The following ARHGAP42 variants were observed in gnomAD, a reference collection of about 807,000 sequenced individuals.
ARHGAP42 encodes the protein Rho GTPase activating protein 42.
Under a neutral mutation model 125.0 loss-of-function variants are expected in ARHGAP42, and 63 were observed. The observed-to-expected ratio is 0.50, with a 90% CI of 0.41 to 0.62. ARHGAP42 has a LOEUF of 0.62. Among genes scored for constraint, ARHGAP42 ranks in the 20% least tolerant of loss-of-function variants. The pLI, the probability that ARHGAP42 is intolerant of heterozygous loss-of-function variation, is 0.00. For synonymous variants in ARHGAP42, 339 were observed against 351.0 expected (o/e 0.97, Z 0.38); for missense variants, 766 against 1,024.2 (o/e 0.75, Z 3.44).
chr11:100,771,526 A>G (rs769281655), intron 2 of ARHGAP42, among the ~76,000 whole-genome samples: 6 of 152,196 alleles, frequency 3.9e-5, no homozygotes, highest in Non-Finnish European at 5.9e-5. Flanking sequence ...TTCTGGGTGT[A>G]AAAATACAAT....
chr11:100,930,591 A>G (rs1377745763), intron 6 of ARHGAP42, among the ~76,000 whole-genome samples: 4 of 152,176 alleles, frequency 2.6e-5, no homozygotes, highest in Admixed American at 1.3e-4. Context: ...AGAAGCTGCC[A>G]ATGGGTTTAT....
chr11:100,957,653 T>C (rs1857840724), intron 12 of ARHGAP42, among the ~76,000 whole-genome samples: 1 of 152,110 alleles, frequency 6.6e-6, no homozygotes, highest in African/African-American at 2.4e-5. Flanking sequence ...TCTGAATTGG[T>C]TGATAATGTT....
intron 4 of ARHGAP42, among the ~76,000 whole-genome samples, chr11:100,882,003 T>C (rs1267264205): frequency 6.6e-6 from 1 of 152,202 alleles, no homozygotes; most frequent in Non-Finnish European, 1.5e-5. Flanking sequence ...TGGAGGAGTC[T>C]GATTTTCTAG....
chr11:100,970,836 T>A lies in ARHGAP42; in HGVS notation c.1551-2339T>A, dbSNP rs114896955. ...CTCAGGTAAAGCCATCCACCCTAGA[T>A]GTCTGGCTAGTTGGAGGCAAAGAAT... On this transcript the variant is annotated intron_variant, in intron 17 of 23. Transcript: ENST00000298815. Among the ~76,000 whole-genome samples, 252 of 152,216 alleles carry A rather than the reference T, an allele frequency of 1.7e-3. 1 individual carries two copies. Among genetic ancestry groups the A allele is most frequent in the African/African-American group, 5.7e-3 (239 of 41,582 alleles).
chr11:100,851,434 C>T (rs1400369163), intron 3 of ARHGAP42, among the ~76,000 whole-genome samples: 1 of 152,170 alleles, frequency 6.6e-6, no homozygotes, highest in Non-Finnish European at 1.5e-5. Flanking sequence ...GACATCATAG[C>T]TGCCTTAACA....
At chr11:100,856,411 G>A (rs530792297) in intron 3 of ARHGAP42, among the ~76,000 whole-genome samples, 71 of 152,134 alleles carry the variant, frequency 4.7e-4, no homozygotes, top group African/African-American at 1.6e-3. Flanking sequence ...CACTGTGTAG[G>A]GATAAAAGTC....
intron 4 of ARHGAP42, among the ~76,000 whole-genome samples, chr11:100,890,043 A>G (rs768077589): frequency 2.6e-5 from 4 of 152,202 alleles, no homozygotes; most frequent in Non-Finnish European, 4.4e-5. Flanking sequence ...TAAAGAACAA[A>G]TACACAAAAA....
intron 11 of ARHGAP42, among the ~76,000 whole-genome samples, chr11:100,948,769 T>G (rs1361192941): frequency 6.6e-6 from 1 of 152,090 alleles, no homozygotes; most frequent in African/African-American, 2.4e-5. Context: ...AACCCTAAAA[T>G]TACTTCTTAA....
chr11:100,803,551 T>A (rs1278576094), intron 3 of ARHGAP42, among the ~76,000 whole-genome samples: 1 of 152,206 alleles, frequency 6.6e-6, no homozygotes, highest in Non-Finnish European at 1.5e-5. Context: ...GCTTTTTGGA[T>A]GGCTTGGTCA....
At chr11:100,982,160 A>T (rs1858561012) in intron 22 of ARHGAP42, among the ~76,000 whole-genome samples, 1 of 152,228 alleles carries the variant, frequency 6.6e-6, no homozygotes, top group Admixed American at 6.5e-5. Flanking sequence ...CAGACAGAGA[A>T]GAATGGACAG....
chr11:100,922,362 C>T (rs1867305211), intron 6 of ARHGAP42, among the ~76,000 whole-genome samples: 2 of 152,040 alleles, frequency 1.3e-5, no homozygotes, highest in Admixed American at 1.3e-4. Context: ...TCTTTATAAG[C>T]TTATTTCATT....
intron 1 of ARHGAP42, among the ~76,000 whole-genome samples, chr11:100,705,727 A>G (rs966505876): frequency 3.9e-5 from 6 of 152,000 alleles, no homozygotes; most frequent in Admixed American, 3.3e-4. Context: ...CATTATATTT[A>G]ATTATTTTTT....
intron 3 of ARHGAP42, among the ~76,000 whole-genome samples, chr11:100,838,079 T>G (rs1864858430): frequency 6.6e-6 from 1 of 151,844 alleles, no homozygotes; most frequent in Non-Finnish European, 1.5e-5. Context: ...GTCTGTTTGT[T>G]TTTGTTTGTT....
At chr11:100,769,495 C>T (rs995990343) in intron 1 of ARHGAP42, among the ~76,000 whole-genome samples, 1 of 152,078 alleles carries the variant, frequency 6.6e-6, no homozygotes, top group African/African-American at 2.4e-5. Flanking sequence ...CTTGTTCAGA[C>T]TGAAGTCAGG....
At chr11:100,879,896 A>G (rs1865914749) in intron 4 of ARHGAP42, among the ~76,000 whole-genome samples, 1 of 152,154 alleles carries the variant, frequency 6.6e-6, no homozygotes, top group African/African-American at 2.4e-5. Flanking sequence ...AGATCACCAG[A>G]CTGCTGCTTA....
At chr11:100,752,711 T>G (rs1407535219) in intron 1 of ARHGAP42, among the ~76,000 whole-genome samples, 1 of 152,198 alleles carries the variant, frequency 6.6e-6, no homozygotes, top group Non-Finnish European at 1.5e-5. Context: ...TGAGATTTCT[T>G]GGTTATAAGT....
chr11:100,934,119 T>C (rs1223468435), intron 7 of ARHGAP42, among the ~76,000 whole-genome samples: 1 of 152,218 alleles, frequency 6.6e-6, no homozygotes, highest in East Asian at 1.9e-4. Flanking sequence ...GCAAAATTTC[T>C]TTATTTGTGA....
At position 100,936,228 on chromosome 11, in the gene ARHGAP42, G is replaced by A; in HGVS notation, c.728G>A (p.Arg243Gln). 3.9e-6 allele frequency: 6 copies of A among 1,551,670 alleles called. No homozygotes were observed. Among genetic ancestry groups the A allele is most frequent in the Non-Finnish European group, 5.2e-6 (6 of 1,146,920 alleles). Residue 243 changes from arginine (R) to glutamine (Q), a missense_variant, in exon 8 of 24, where the codon CGA (arginine) becomes CAA (glutamine). By Grantham distance (43) the Arg-to-Gln change is conservative. Around this residue, in one of 3 missense-constraint regions of ARHGAP42, gnomAD observed 455 missense variants for 636.5 expected, o/e 0.71. Transcript: ENST00000298815. The stretch of plus-strand genomic sequence containing the variant: ...ACAAGGAATAATTTTGAAAGTACTC[G>A]ACAAGAGGTAGAGCGGTTGATGCAA... ...QNTRNNFEST[R>Q]QEVERLMQRM...
intron 1 of ARHGAP42, among the ~76,000 whole-genome samples, chr11:100,690,935 T>C (rs1001891619): frequency 1.3e-5 from 2 of 152,154 alleles, no homozygotes; most frequent in Non-Finnish European, 2.9e-5. Flanking sequence ...CATGTCCACT[T>C]GGAGAAAAAG....
Sources: gnomAD v4.1 joint callset for allele counts (sites outside exome capture counted in the v4.1 genomes callset) on GRCh38, gnomAD v4.1.1 for gene constraint, gnomAD v4.1.1 regional missense constraint, MANE v1.5 for transcripts, NCBI Gene and HGNC (gene_info 2026-07-23, HGNC 2026-07-21) for gene names.